PABPC4L: variants seen among roughly 807,000 people sequenced by gnomAD.
PABPC4L encodes the protein poly(A) binding protein cytoplasmic 4 like, also known as polyadenylate-binding protein 4-like.
For synonymous variants in PABPC4L, 169 were observed against 164.1 expected (o/e 1.03, Z -0.23); for missense variants, 452 against 451.4 (o/e 1.00, Z -0.01).
chr4:134,154,152 T>C, the PABPC4L span, among the ~76,000 whole-genome samples: 1 of 152,118 alleles, frequency 6.6e-6, no homozygotes, highest in Admixed American at 6.5e-5. Flanking sequence ...CATAGAAAAT[T>C]GGTATCTTTA....
At chr4:134,111,116 T>TG in the PABPC4L span, among the ~76,000 whole-genome samples, 7 of 152,170 alleles carry the variant, frequency 4.6e-5, no homozygotes, top group African/African-American at 1.7e-4. Flanking sequence ...GTCCATCCTC[T>TG]GCTTCCAAAA....
chr4:134,097,564 T>C, the PABPC4L span, among the ~76,000 whole-genome samples: 1 of 151,870 alleles, frequency 6.6e-6, no homozygotes, highest in Non-Finnish European at 1.5e-5. Context: ...TACCCCTAAA[T>C]GAATCTAGAA....
the PABPC4L span, among the ~76,000 whole-genome samples, chr4:134,083,044 C>A: frequency 6.6e-6 from 1 of 152,158 alleles, no homozygotes; most frequent in African/African-American, 2.4e-5. Flanking sequence ...TGGGACACAG[C>A]AGTAGAATTG....
the PABPC4L span, among the ~76,000 whole-genome samples, chr4:134,073,988 G>C: frequency 6.6e-6 from 1 of 152,280 alleles, no homozygotes; most frequent in Non-Finnish European, 1.5e-5. Context: ...GGTCTGCTGA[G>C]AAGTTCTCTG....
chr4:134,192,726 A>T (rs1418952739), downstream of PABPC4L, among the ~76,000 whole-genome samples: 3 of 152,146 alleles, frequency 2.0e-5, no homozygotes, highest in Admixed American at 6.6e-5. Flanking sequence ...TATGAAATGA[A>T]TCTCACTAAA....
At chr4:134,044,686 AC>A in the PABPC4L span, among the ~76,000 whole-genome samples, 1 of 152,220 alleles carries the variant, frequency 6.6e-6, no homozygotes, top group African/African-American at 2.4e-5. Flanking sequence ...AATTCAGAGT[AC>A]CTGAACATGG....
chr4:134,184,253 A>G, the PABPC4L span, among the ~76,000 whole-genome samples: 1 of 152,112 alleles, frequency 6.6e-6, no homozygotes, highest in Admixed American at 6.6e-5. Context: ...AAACTTTTCA[A>G]TAAACAGTAC....
chr4:133,999,858 C>T, the PABPC4L span, among the ~76,000 whole-genome samples: 15 of 151,838 alleles, frequency 9.9e-5, no homozygotes, highest in Non-Finnish European at 1.6e-4. Flanking sequence ...AGGGAAAATA[C>T]TTAAATTTTA....
the PABPC4L span, among the ~76,000 whole-genome samples, chr4:134,164,645 A>G: frequency 6.6e-6 from 1 of 152,314 alleles, no homozygotes; most frequent in South Asian, 2.1e-4. Flanking sequence ...GAATATAAAT[A>G]CATCCTATGC....
the PABPC4L span, among the ~76,000 whole-genome samples, chr4:133,965,815 T>A: frequency 1.3e-5 from 2 of 152,026 alleles, no homozygotes; most frequent in Non-Finnish European, 2.9e-5. Flanking sequence ...TAAACAAAAA[T>A]CAACTCAAGA....
chr4:133,990,375 G>A, the PABPC4L span, among the ~76,000 whole-genome samples: 2 of 152,086 alleles, frequency 1.3e-5, no homozygotes, highest in South Asian at 2.1e-4. Flanking sequence ...TTGTTTTGAG[G>A]TACAATAAAT....
the PABPC4L span, among the ~76,000 whole-genome samples, chr4:133,967,672 G>C: frequency 4.6e-5 from 7 of 152,182 alleles, no homozygotes; most frequent in African/African-American, 1.7e-4. Flanking sequence ...CAATGAGGCG[G>C]CAGCATCTCT....
At chr4:134,044,815 T>A in the PABPC4L span, among the ~76,000 whole-genome samples, 11 of 152,336 alleles carry the variant, frequency 7.2e-5, no homozygotes, top group African/African-American at 2.6e-4. Context: ...TAATGATGTG[T>A]CACCTACATT....
At chr4:134,036,244 A>C in the PABPC4L span, among the ~76,000 whole-genome samples, 1 of 152,132 alleles carries the variant, frequency 6.6e-6, no homozygotes, top group Non-Finnish European at 1.5e-5. Context: ...TGCATTCTTG[A>C]GGAATCTGAT....
In PABPC4L at chr4:134,198,649, A is replaced by ATAGCAAGAGTTATT. The variant is rs1391746148; in HGVS notation, c.*1257_*1258insAATAACTCTTGCTA. 6.6e-6 allele frequency: 1 copy of ATAGCAAGAGTTATT among 151,990 alleles called. No homozygotes were observed. The highest frequency in any genetic ancestry group is 1.5e-5 in the Non-Finnish European group (1 of 67,842). 9.4% of individuals were successfully genotyped at this position (151,990 alleles called of 1,614,324 possible). On this transcript the variant is annotated 3_prime_UTR_variant, in exon 2 of 2. Coordinates refer to ENST00000421491, the MANE Select transcript of PABPC4L (RefSeq NM_001114734.2). ...AAAGCAATTATTTAAATGTAATTAA[A>ATAGCAAGAGTTATT]TAACTCTTGCCTCGATTTCCAAATG...
chr4:133,961,538 G>A, the PABPC4L span, among the ~76,000 whole-genome samples: 8 of 152,266 alleles, frequency 5.3e-5, no homozygotes, highest in African/African-American at 1.4e-4. Context: ...TCACCTGAGA[G>A]CACAGGGGGA....
the PABPC4L span, among the ~76,000 whole-genome samples, chr4:134,127,224 A>C: frequency 6.6e-6 from 1 of 151,840 alleles, no homozygotes. Flanking sequence ...CAAAGGACAT[A>C]ATCTCTTGGA....
chr4:133,996,193 G>T, the PABPC4L span, among the ~76,000 whole-genome samples: 2 of 152,106 alleles, frequency 1.3e-5, no homozygotes, highest in Non-Finnish European at 2.9e-5. Context: ...GAAGGTGACG[G>T]TTCCTCCTCC....
At chr4:133,960,858 C>T in the PABPC4L span, among the ~76,000 whole-genome samples, 2 of 152,112 alleles carry the variant, frequency 1.3e-5, no homozygotes, top group Non-Finnish European at 2.9e-5. Context: ...AGGTACACAA[C>T]TCCATTGACC....
Sources: allele counts gnomAD v4.1 joint callset (sites outside exome capture counted in the v4.1 genomes callset), GRCh38; gene constraint gnomAD v4.1.1; transcripts MANE v1.5; gene names NCBI Gene and HGNC (gene_info 2026-07-23, HGNC 2026-07-21).